KCNIP1: variants seen among roughly 807,000 people sequenced by gnomAD.
KCNIP1 encodes the protein A-type potassium channel modulatory protein KCNIP1.
In KCNIP1, 18 loss-of-function variants were observed where a neutral mutation model predicts 33.0. That is an observed-to-expected ratio of 0.55 (90% CI 0.38 to 0.81). KCNIP1 has a LOEUF of 0.81. KCNIP1 is among the 30% of genes least tolerant of loss of function. The pLI, the probability that KCNIP1 is intolerant of heterozygous loss-of-function variation, is 0.00. For synonymous variants in KCNIP1, 93 were observed against 98.3 expected, an observed-to-expected ratio of 0.95 and a Z score of 0.32; for missense variants, 238 against 271.6, an observed-to-expected ratio of 0.88 and a Z score of 0.87.
intron 1 of KCNIP1, among the ~76,000 whole-genome samples, chr5:170,707,271 C>G (rs1192628773): frequency 6.6e-6 from 1 of 151,948 alleles, no homozygotes; most frequent in Non-Finnish European, 1.5e-5. Context: ...ATGAAACTGA[C>G]ATTTCTGCCT....
At chr5:170,711,633 T>C (rs1763446659) in intron 1 of KCNIP1, among the ~76,000 whole-genome samples, 1 of 152,164 alleles carries the variant, frequency 6.6e-6, no homozygotes, top group Non-Finnish European at 1.5e-5. Context: ...AAGATGTGAA[T>C]AATAGGAGAA....
intron 1 of KCNIP1, among the ~76,000 whole-genome samples, chr5:170,685,907 T>A (rs1762521261): frequency 6.6e-6 from 1 of 152,238 alleles, no homozygotes; most frequent in Non-Finnish European, 1.5e-5. Flanking sequence ...AAGAACAACA[T>A]AAAATATTCA....
At chr5:170,466,734 C>T (rs1756616427) in intron 1 of KCNIP1, among the ~76,000 whole-genome samples, 1 of 152,138 alleles carries the variant, frequency 6.6e-6, no homozygotes, top group South Asian at 2.1e-4. Context: ...TGTACGGAAG[C>T]TCTCTGCGAC....
chr5:170,630,660 A>G (rs1020117729), intron 1 of KCNIP1, among the ~76,000 whole-genome samples: 2 of 152,248 alleles, frequency 1.3e-5, no homozygotes, highest in Non-Finnish European at 2.9e-5. Flanking sequence ...GGCACAGCAC[A>G]GGTGAGAACA....
At chr5:170,632,012 CAG>C (rs1362493923) in intron 1 of KCNIP1, among the ~76,000 whole-genome samples, 4 of 152,200 alleles carry the variant, frequency 2.6e-5, no homozygotes, top group Admixed American at 1.3e-4. Context: ...TTGCCACAGA[CAG>C]GGGGAGCTAA....
chr5:170,441,867 G>A (rs1157157585), intron 1 of KCNIP1, among the ~76,000 whole-genome samples: 3 of 150,502 alleles, frequency 2.0e-5, no homozygotes, highest in African/African-American at 7.4e-5. Context: ...CAGGAGAATG[G>A]CGTGAACCCA....
intron 1 of KCNIP1, among the ~76,000 whole-genome samples, chr5:170,411,735 G>T (rs1755195143): frequency 6.6e-6 from 1 of 152,214 alleles, no homozygotes; most frequent in South Asian, 2.1e-4. Context: ...ATAAGATGTA[G>T]TCTCTGCCCT....
intron 1 of KCNIP1, among the ~76,000 whole-genome samples, chr5:170,610,193 G>T (rs1450341316): frequency 6.6e-6 from 1 of 152,136 alleles, no homozygotes; most frequent in Admixed American, 6.5e-5. Flanking sequence ...GGTTTAACGA[G>T]CCCCCTAGGT....
intron 1 of KCNIP1, among the ~76,000 whole-genome samples, chr5:170,700,498 G>A (rs549173889): frequency 6.6e-6 from 1 of 152,332 alleles, no homozygotes; most frequent in African/African-American, 2.4e-5. Flanking sequence ...GAGCCTGGGA[G>A]GTTGGGGCTG....
At chr5:170,528,964 A>T (rs1755686677) in intron 1 of KCNIP1, among the ~76,000 whole-genome samples, 2 of 152,186 alleles carry the variant, frequency 1.3e-5, no homozygotes, top group Non-Finnish European at 2.9e-5. Context: ...AACCCCAAAG[A>T]TTGCCCCATA....
intron 1 of KCNIP1, among the ~76,000 whole-genome samples, chr5:170,672,391 G>A (rs1327295847): frequency 6.6e-6 from 1 of 152,254 alleles, no homozygotes; most frequent in Non-Finnish European, 1.5e-5. Context: ...TTCAAGTGAA[G>A]GACTTCCTCC....
Position 170,577,463 on chromosome 5 carries a change from A to G in KCNIP1, c.61+72830A>G, listed in dbSNP as rs950943812. On this transcript the variant is annotated intron_variant, in intron 1 of 7. Coordinates refer to ENST00000328939, the MANE Select transcript of KCNIP1 (RefSeq NM_014592.4). Reference sequence around the variant, plus strand: ...GCTGGAGCGGATGAGAAATCCATTTATGCGTCTGTTGCGTGTGAATGTCAG... The same window carrying G: ...GCTGGAGCGGATGAGAAATCCATTTGTGCGTCTGTTGCGTGTGAATGTCAG... 4.6e-5 allele frequency among the ~76,000 whole-genome samples: 7 copies of G among 152,310 alleles called. No homozygotes were observed. The East Asian group carries it at 5.8e-4, about 13-fold the overall frequency.
chr5:170,371,464 G>T (rs532648016), intron 1 of KCNIP1, among the ~76,000 whole-genome samples: 1 of 152,126 alleles, frequency 6.6e-6, no homozygotes, highest in Admixed American at 6.5e-5. Flanking sequence ...TTTTGATATG[G>T]GGTAAAGACA....
At chr5:170,531,323 G>T (rs1755778888) in intron 1 of KCNIP1, among the ~76,000 whole-genome samples, 1 of 152,174 alleles carries the variant, frequency 6.6e-6, no homozygotes, top group Non-Finnish European at 1.5e-5. Context: ...TCTGATTCAG[G>T]AGTTTGGGGC....
At chr5:170,476,779 C>G (rs1445835525) in intron 1 of KCNIP1, among the ~76,000 whole-genome samples, 1 of 152,206 alleles carries the variant, frequency 6.6e-6, no homozygotes, top group African/African-American at 2.4e-5. Context: ...ACACATCACT[C>G]TCTACCATAT....
intron 1 of KCNIP1, among the ~76,000 whole-genome samples, chr5:170,441,951 CA>C (rs34610945): frequency 0.11 from 7,627 of 71,610 alleles, 112 homozygotes; most frequent in Admixed American, 0.18. Flanking sequence ...GACTCCATCT[CA>C]AAAAAAAAAA....
intron 1 of KCNIP1, among the ~76,000 whole-genome samples, chr5:170,543,244 T>G (rs1253674057): frequency 6.6e-6 from 1 of 152,094 alleles, no homozygotes; most frequent in Non-Finnish European, 1.5e-5. Context: ...GTTTATCAGG[T>G]AAAAGAAAGT....
At chr5:170,547,234 A>G (rs564240211) in intron 1 of KCNIP1, among the ~76,000 whole-genome samples, 1 of 152,330 alleles carries the variant, frequency 6.6e-6, no homozygotes, top group Admixed American at 6.5e-5. Flanking sequence ...GTTCTTCCAC[A>G]TCTTATCATC....
chr5:170,417,626 C>T (rs1755364734), intron 1 of KCNIP1, among the ~76,000 whole-genome samples: 1 of 152,162 alleles, frequency 6.6e-6, no homozygotes, highest in East Asian at 1.9e-4. Flanking sequence ...GGTAAACTCC[C>T]CATTCCCTGT....
Sources: gnomAD v4.1 joint callset for allele counts (sites outside exome capture counted in the v4.1 genomes callset) on GRCh38, gnomAD v4.1.1 for gene constraint, MANE v1.5 for transcripts, NCBI Gene and HGNC (gene_info 2026-07-23, HGNC 2026-07-21) for gene names.